The following LRRC8C variants were observed in gnomAD, a reference collection of about 807,000 sequenced individuals.
LRRC8C encodes the protein leucine rich repeat containing 8 VRAC subunit C, also known as volume-regulated anion channel subunit LRRC8C.
Under a neutral mutation model 55.3 loss-of-function variants are expected in LRRC8C, and 20 were observed. The ratio of observed to expected loss-of-function variants is 0.36; its 90% CI spans 0.25 to 0.53. The LOEUF (loss-of-function observed/expected upper bound fraction) is 0.53. LRRC8C is among the 20% of genes least tolerant of loss of function. The pLI is 0.92. For synonymous variants in LRRC8C, 376 were observed against 360.7 expected (o/e 1.04, Z -0.48); for missense variants, 659 against 951.4 (o/e 0.69, Z 4.04).
intron 2 of LRRC8C, among the ~76,000 whole-genome samples, chr1:89,697,808 T>G (rs1276060480): frequency 6.6e-6 from 1 of 152,142 alleles, no homozygotes; most frequent in African/African-American, 2.4e-5. Context: ...AATTCCTTGT[T>G]TGGCCTAGAG....
At chr1:89,624,793 T>C in the LRRC8C span, 9 of 152,280 alleles carry the variant, frequency 5.9e-5, no homozygotes, top group African/African-American at 2.2e-4. Flanking sequence ...TGTTGATAGG[T>C]GTAATAAAGG....
rs1212516466 is a variant in LRRC8C at position 89,686,627 on chromosome 1, C to T, written c.138+16C>T. On this transcript the variant is annotated intron_variant, in intron 2 of 2. Coordinates refer to ENST00000370454, the MANE Select transcript of LRRC8C (RefSeq NM_032270.5). Reference sequence around the variant, plus strand: ...TACTTTACAGGTAGGTGCCTAGATCCCTGGCAAAATGGGGGCCAGAGCAAA... The same window carrying T: ...TACTTTACAGGTAGGTGCCTAGATCTCTGGCAAAATGGGGGCCAGAGCAAA... The T allele has an allele frequency of 6.2e-7, 1 of 1,613,252 alleles. No homozygotes were observed. The highest frequency in any genetic ancestry group is 8.5e-7 in the Non-Finnish European group (1 of 1,179,750).
rs140712041 is a variant in LRRC8C, at chr1:89,666,139, C to G, written c.-4-20331C>G. Among the ~76,000 whole-genome samples, 1,196 of 152,272 alleles carry G rather than the reference C, an allele frequency of 7.9e-3. 15 individuals are homozygous for G. The highest frequency in any genetic ancestry group is 9.9e-3 in the South Asian group (48 of 4,828). On this transcript the variant is annotated intron_variant, in intron 1 of 2. Coordinates refer to ENST00000370454, the MANE Select transcript of LRRC8C (RefSeq NM_032270.5). ...AGAACGTATCCCCATTATTAAGCAA[C>G]ATATGACTGCATTTTGACCCAAATG... is the stretch of plus-strand genomic sequence containing the variant.
rs975822960 is a variant in LRRC8C at position 89,653,019 on chromosome 1, G to T, written c.-5+19697G>T. Among the ~76,000 whole-genome samples the T allele has an allele frequency of 2.0e-5, 3 of 152,130 alleles. No homozygotes were observed. In the East Asian group the frequency reaches 5.8e-4, roughly 29 times the overall value. ...ACAGCTCTGAACAATAGGGAGAGTG[G>T]TCGTTAAGAGAGGGTGCTGTAGGCT... On this transcript the variant is annotated intron_variant, in intron 1 of 2. Transcript: ENST00000370454.
chr1:89,702,564 A>C (rs1171676637), intron 2 of LRRC8C, among the ~76,000 whole-genome samples: 1 of 151,790 alleles, frequency 6.6e-6, no homozygotes, highest in African/African-American at 2.4e-5. Context: ...GCAAGACCCT[A>C]TCTCTAAAAA....
At chr1:89,636,585 C>T (rs1165376132) in intron 1 of LRRC8C, among the ~76,000 whole-genome samples, 1 of 152,082 alleles carries the variant, frequency 6.6e-6, no homozygotes, top group Non-Finnish European at 1.5e-5. Context: ...GTATATCACT[C>T]AGGGTACCAT....
intron 2 of LRRC8C, among the ~76,000 whole-genome samples, chr1:89,697,041 A>G (rs1658192603): frequency 6.6e-6 from 1 of 152,224 alleles, no homozygotes; most frequent in African/African-American, 2.4e-5. Flanking sequence ...TCCAGCACAC[A>G]TAAATGACTA....
At chr1:89,658,373 T>A (rs1482097872) in intron 1 of LRRC8C, among the ~76,000 whole-genome samples, 1 of 152,200 alleles carries the variant, frequency 6.6e-6, no homozygotes, top group Non-Finnish European at 1.5e-5. Context: ...TGAAGACTGT[T>A]TGAAAATATA....
the LRRC8C span, among the ~76,000 whole-genome samples, chr1:89,621,181 C>T: frequency 2.0e-5 from 3 of 151,870 alleles, no homozygotes; most frequent in African/African-American, 7.3e-5. Context: ...TTCCTTTTGG[C>T]CAGGCGCGGT....
At chr1:89,637,335 A>G (rs1656317987) in intron 1 of LRRC8C, among the ~76,000 whole-genome samples, 1 of 151,554 alleles carries the variant, frequency 6.6e-6, no homozygotes, top group Non-Finnish European at 1.5e-5. Flanking sequence ...AGAGGTTGAG[A>G]TAATGAGCAA....
chr1:89,685,823 CAG>C (rs66508616), intron 1 of LRRC8C, among the ~76,000 whole-genome samples: 84,422 of 151,532 alleles, frequency 0.56, 25,034 homozygotes, highest in South Asian at 0.72. Flanking sequence ...GTACAGGAAA[CAG>C]AGAAAAAAAT....
chr1:89,626,960 G>GACACACACACACAC, the LRRC8C span: 15 of 122,678 alleles, frequency 1.2e-4, no homozygotes, highest in African/African-American at 3.7e-4. Context: ...CTCTAGTCTA[G>GACACACACACACAC]ACACACACAC....
intron 2 of LRRC8C, among the ~76,000 whole-genome samples, chr1:89,696,418 T>C (rs1658174021): frequency 6.6e-6 from 1 of 151,978 alleles, no homozygotes; most frequent in Admixed American, 6.6e-5. Context: ...CCTTAATCTC[T>C]GCTGTGCTCA....
intron 1 of LRRC8C, among the ~76,000 whole-genome samples, chr1:89,681,815 C>G (rs1657717430): frequency 6.6e-6 from 1 of 152,164 alleles, no homozygotes; most frequent in Non-Finnish European, 1.5e-5. Context: ...CCATATCAAT[C>G]TGTATATATA....
At position 89,703,343 on chromosome 1, in the gene LRRC8C, A is replaced by C. The variant is rs545455041; in HGVS notation, c.139-9366A>C. ...AACAGAATTGTATAACTTACCAAAT[A>C]GTTACTGAAGAATGAAAGCAATATA... On this transcript the variant is annotated intron_variant, in intron 2 of 2. Coordinates refer to ENST00000370454, the MANE Select transcript of LRRC8C (RefSeq NM_032270.5). 3.9e-5 allele frequency among the ~76,000 whole-genome samples: 6 copies of C among 152,314 alleles called. No homozygotes were observed. In the South Asian group the frequency reaches 1.2e-3, roughly 32 times the overall value.
the LRRC8C span, among the ~76,000 whole-genome samples, chr1:89,624,030 C>T: frequency 6.6e-6 from 1 of 152,138 alleles, no homozygotes; most frequent in African/African-American, 2.4e-5. Context: ...TCCAAAGTAT[C>T]AGCATTTTTA....
chr1:89,645,329 TAGAG>T (rs1656579709), intron 1 of LRRC8C, among the ~76,000 whole-genome samples: 1 of 149,722 alleles, frequency 6.7e-6, no homozygotes, highest in Non-Finnish European at 1.5e-5. Context: ...ATCTGAACAA[TAGAG>T]AGAAAATGAT....
the LRRC8C span, among the ~76,000 whole-genome samples, chr1:89,623,908 T>C: frequency 6.6e-6 from 1 of 152,198 alleles, no homozygotes; most frequent in African/African-American, 2.4e-5. Flanking sequence ...AATTTTCTTA[T>C]CCTTGGAAAC....
intron 1 of LRRC8C, among the ~76,000 whole-genome samples, chr1:89,650,238 A>C (rs2101194170): frequency 6.6e-6 from 1 of 152,352 alleles, no homozygotes; most frequent in African/African-American, 2.4e-5. Context: ...TAATTTTCAA[A>C]AAGTTAAACA....
Sources: allele counts gnomAD v4.1 joint callset (sites outside exome capture counted in the v4.1 genomes callset), GRCh38; gene constraint gnomAD v4.1.1; transcripts MANE v1.5; gene names NCBI Gene and HGNC (gene_info 2026-07-23, HGNC 2026-07-21).